ADARB2: variants seen among roughly 807,000 people sequenced by gnomAD.
ADARB2 encodes the protein adenosine deaminase RNA specific B2 (inactive).
In ADARB2, 25 loss-of-function variants were observed where a neutral mutation model predicts 62.2. That is an observed-to-expected ratio of 0.40 (90% confidence interval 0.29 to 0.56). The LOEUF is 0.56. Among genes scored for constraint, ADARB2 ranks in the 20% least tolerant of loss-of-function variants. The pLI is 0.43. For synonymous variants in ADARB2, 572 were observed against 500.8 expected (o/e 1.14, Z -1.90); for missense variants, 1,071 against 1,077.4 (o/e 0.99, Z 0.08).
intron 1 of ADARB2, among the ~76,000 whole-genome samples, chr10:1,424,500 G>A (rs888101655): frequency 1.3e-5 from 2 of 152,054 alleles, no homozygotes; most frequent in African/African-American, 2.4e-5. Context: ...AATGACTTCC[G>A]TTTACCACCG....
intron 1 of ADARB2, among the ~76,000 whole-genome samples, chr10:1,671,451 A>G (rs1834384031): frequency 6.6e-6 from 1 of 152,192 alleles, no homozygotes; most frequent in African/African-American, 2.4e-5. Context: ...GTTCGGAAGG[A>G]GACAGCCATC....
chr10:1,317,753 G>GC (rs1554753963), intron 3 of ADARB2, among the ~76,000 whole-genome samples: 1 of 45,390 alleles, frequency 2.2e-5, no homozygotes, highest in Non-Finnish European at 4.0e-5. Context: ...GGGTAGGCCT[G>GC]GGGGGGGGTG....
chr10:1,628,403 T>C (rs534500130), intron 1 of ADARB2, among the ~76,000 whole-genome samples: 1 of 152,358 alleles, frequency 6.6e-6, no homozygotes, highest in African/African-American at 2.4e-5. Flanking sequence ...CTCTAAGTGA[T>C]GCTTTCAAAA....
chr10:1,602,392 G>C (rs181500984), intron 1 of ADARB2, among the ~76,000 whole-genome samples: 1 of 152,100 alleles, frequency 6.6e-6, no homozygotes, highest in South Asian at 2.1e-4. Context: ...CTCACACCAC[G>C]CTGAGGGAAG....
At chr10:1,326,117 C>T (rs575898682) in intron 3 of ADARB2, among the ~76,000 whole-genome samples, 1 of 152,258 alleles carries the variant, frequency 6.6e-6, no homozygotes, top group Non-Finnish European at 1.5e-5. Context: ...TTGACCATTC[C>T]CCCCATACTT....
At chr10:1,633,160 C>T (rs981150398) in intron 1 of ADARB2, among the ~76,000 whole-genome samples, 5 of 152,152 alleles carry the variant, frequency 3.3e-5, no homozygotes, top group Admixed American at 2.0e-4. Context: ...TGTTGGCTCC[C>T]CTGGTTCTGA....
At position 1,363,453 on chromosome 10, in the gene ADARB2, C is replaced by T. The variant is rs1209424814; in HGVS notation, c.652G>A (p.Asp218Asn). The change falls in exon 3 of 10, where the codon GAT becomes AAT. Residue 218 changes from aspartate to asparagine, a missense_variant. Physicochemically the swap from Asp to Asn is conservative, Grantham distance 23. Coordinates refer to ENST00000381312, the MANE Select transcript of ADARB2 (RefSeq NM_018702.4). ...PGTDFTSDQA[D>N]FPDTLFQEFE... ...TCCTGGAAGAGCGTGTCGGGGAAAT[C>T]GGCCTGGTCGGAGGTGAAGTCCGTG... is the stretch of plus-strand genomic sequence containing the variant. 6 of 1,426,412 alleles carry T rather than the reference C, an allele frequency of 4.2e-6. No individual in the cohort carries two copies. The highest frequency in any genetic ancestry group is 1.6e-5 in the South Asian group (1 of 64,468). The allele number at this position is 1,426,412 out of a possible 1,614,324, so 88.4% of individuals were successfully genotyped here.
At chr10:1,194,206 G>A (rs975347335) in intron 8 of ADARB2, among the ~76,000 whole-genome samples, 1 of 152,174 alleles carries the variant, frequency 6.6e-6, no homozygotes, top group African/African-American at 2.4e-5. Context: ...CATTCAACGC[G>A]ATTAACATTT....
chr10:1,284,510 G>A lies in ADARB2; in HGVS notation c.1078-13441C>T, dbSNP rs1457744297. ...ACCCACAGCACGGGTAGCACCCTGCGAGGCTCTCGATTGAGATCCCTGCTG... is the reference window on the plus strand; with the variant it reads ...ACCCACAGCACGGGTAGCACCCTGCAAGGCTCTCGATTGAGATCCCTGCTG... On this transcript the variant is annotated intron_variant, in intron 3 of 9. Coordinates refer to ENST00000381312, the MANE Select transcript of ADARB2 (RefSeq NM_018702.4). Among the ~76,000 whole-genome samples, 7 of 152,170 alleles carry A rather than the reference G, an allele frequency of 4.6e-5. No individual in the cohort carries two copies. The East Asian group carries it at 9.6e-4, about 21-fold the overall frequency.
intron 4 of ADARB2, among the ~76,000 whole-genome samples, chr10:1,258,166 C>T (rs1226832141): frequency 3.3e-5 from 5 of 151,986 alleles, no homozygotes; most frequent in Admixed American, 3.3e-4. Flanking sequence ...TTCTTTCTTG[C>T]CCTCTTTCTT....
chr10:1,378,732 T>G (rs897811011), intron 2 of ADARB2, among the ~76,000 whole-genome samples: 4 of 151,836 alleles, frequency 2.6e-5, no homozygotes, highest in Admixed American at 6.6e-5. Context: ...CAGGTGAGGA[T>G]GAGACTGCAG....
chr10:1,336,723 A>C (rs1339375921), intron 3 of ADARB2, among the ~76,000 whole-genome samples: 1 of 152,224 alleles, frequency 6.6e-6, no homozygotes, highest in Non-Finnish European at 1.5e-5. Flanking sequence ...TTCTCTGCAG[A>C]AAGTGTTACG....
At chr10:1,416,727 C>T (rs1325331526) in intron 1 of ADARB2, among the ~76,000 whole-genome samples, 2 of 152,248 alleles carry the variant, frequency 1.3e-5, no homozygotes, top group Non-Finnish European at 2.9e-5. Flanking sequence ...CCAGGTGCTC[C>T]ACTCCAGAGA....
rs111777679 is a variant in ADARB2 at position 1,591,400 on chromosome 10, G to A, written c.100+145651C>T. Reference sequence around the variant, plus strand: ...CCACTAAGCACTGTTAAAAGGGTTCGCTGCTGAGGGTCTACAGCTGCATTA... The same window carrying A: ...CCACTAAGCACTGTTAAAAGGGTTCACTGCTGAGGGTCTACAGCTGCATTA... On this transcript the variant is annotated intron_variant, in intron 1 of 9. Transcript: ENST00000381312. Among the ~76,000 whole-genome samples, 542 of 152,058 alleles carry A rather than the reference G, an allele frequency of 3.6e-3. 4 individuals are homozygous for A. Among genetic ancestry groups the A allele is most frequent in the Middle Eastern group, 6.8e-3 (2 of 294 alleles).
intron 3 of ADARB2, among the ~76,000 whole-genome samples, chr10:1,302,560 C>A (rs559600950): frequency 6.6e-6 from 1 of 152,186 alleles, no homozygotes; most frequent in Non-Finnish European, 1.5e-5. Context: ...TCTGTAGGCT[C>A]CACCTCTGGG....
intron 3 of ADARB2, among the ~76,000 whole-genome samples, chr10:1,319,440 G>A (rs1411515156): frequency 1.3e-5 from 2 of 152,076 alleles, no homozygotes; most frequent in African/African-American, 4.8e-5. Context: ...AGATCACCTG[G>A]AAATTAAAAT....
chr10:1,332,317 G>A (rs1218432759), intron 3 of ADARB2, among the ~76,000 whole-genome samples: 1 of 152,022 alleles, frequency 6.6e-6, no homozygotes, highest in Non-Finnish European at 1.5e-5. Context: ...AGTAGGGACA[G>A]AAGTGGGAGG....
intron 3 of ADARB2, among the ~76,000 whole-genome samples, chr10:1,360,078 C>T (rs903962319): frequency 6.6e-6 from 1 of 152,230 alleles, no homozygotes; most frequent in Non-Finnish European, 1.5e-5. Flanking sequence ...TGGATCCAGA[C>T]GTGGTTTTGT....
intron 1 of ADARB2, among the ~76,000 whole-genome samples, chr10:1,582,419 C>CA (rs1833117123): frequency 6.6e-6 from 1 of 152,222 alleles, no homozygotes; most frequent in Non-Finnish European, 1.5e-5. Context: ...CCTTAGGAAG[C>CA]AAAATCCATC....
Sources: gnomAD v4.1 joint callset for allele counts (sites outside exome capture counted in the v4.1 genomes callset) on GRCh38, gnomAD v4.1.1 for gene constraint, MANE v1.5 for transcripts, NCBI Gene and HGNC (gene_info 2026-07-23, HGNC 2026-07-21) for gene names.